The following MEGF6 variants were observed in gnomAD, a reference collection of about 807,000 sequenced individuals.
MEGF6 encodes the protein multiple EGF like domains 6.
In MEGF6, 184 loss-of-function variants were observed where a neutral mutation model predicts 207.1. The observed-to-expected ratio is 0.89, with a 90% CI of 0.79 to 1.00. The LOEUF is 1.00. Among genes scored for constraint, MEGF6 ranks in the 50% least tolerant of loss-of-function variants. The pLI, the probability that MEGF6 is intolerant of heterozygous loss-of-function variation, is 0.00. For synonymous variants in MEGF6, 1,038 were observed against 910.0 expected (o/e 1.14, Z -2.53); for missense variants, 2,282 against 2,202.9 (o/e 1.04, Z -0.72).
At chr1:3,499,066 TG>T in intron 24 of MEGF6, 71 bp downstream of exon 24, 1 of 1,558,210 alleles carries the variant, frequency 6.4e-7, no homozygotes, top group Non-Finnish European at 8.7e-7. Flanking sequence ...AAGTGTCCTG[TG>T]GGCCCTGCAA....
At chr1:3,532,340 A>G (rs149921671) in intron 4 of MEGF6, among the ~76,000 whole-genome samples, 1 of 152,270 alleles carries the variant, frequency 6.6e-6, no homozygotes, top group African/African-American at 2.4e-5. Context: ...CCCTTCTCGC[A>G]CCTATCCTTG....
the MEGF6 span, among the ~76,000 whole-genome samples, chr1:3,619,117 T>C: frequency 3.3e-5 from 5 of 152,244 alleles, no homozygotes; most frequent in Non-Finnish European, 7.3e-5. Flanking sequence ...TGACTTCATG[T>C]AGGGCCTGAA....
chr1:3,544,050 G>A (rs888436241), intron 4 of MEGF6, among the ~76,000 whole-genome samples: 8 of 152,184 alleles, frequency 5.3e-5, no homozygotes, highest in South Asian at 2.1e-4. Flanking sequence ...TCTGCGCGCC[G>A]CACCACTCGC....
intron 4 of MEGF6, chr1:3,531,592 CG>C (rs1365656014): frequency 9.8e-5 from 70 of 716,278 alleles, no homozygotes; most frequent in Non-Finnish European, 1.2e-4. Flanking sequence ...TGCGCGCTCC[CG>C]GACCCGGACG....
At chr1:3,598,455 A>G (rs1644106126) in intron 2 of MEGF6, among the ~76,000 whole-genome samples, 1 of 152,156 alleles carries the variant, frequency 6.6e-6, no homozygotes, top group African/African-American at 2.4e-5. Context: ...ACGGCGAACA[A>G]TATTTGGCAG....
intron 34 of MEGF6, 140 bp from the exon 35 acceptor site, chr1:3,492,907 T>C (rs1276176414): frequency 6.5e-6 from 8 of 1,231,250 alleles, no homozygotes; most frequent in Non-Finnish European, 7.8e-6. Flanking sequence ...AGCTAAGACC[T>C]TGGGCCTCGG....
At chr1:3,492,987 C>CA in intron 34 of MEGF6, 1 of 600,684 alleles carries the variant, frequency 1.7e-6, no homozygotes. Context: ...TGAGCTCCTG[C>CA]ATGAGAAAGC....
At chr1:3,562,273 T>C (rs1490984380) in intron 4 of MEGF6, among the ~76,000 whole-genome samples, 1 of 152,230 alleles carries the variant, frequency 6.6e-6, no homozygotes, top group African/African-American at 2.4e-5. Context: ...TGTCTTTTTC[T>C]CTGTCTCTCT....
At chr1:3,496,877 C>T (rs1468142886) in intron 28 of MEGF6, 94 bp from the exon 29 acceptor site, 5 of 1,518,544 alleles carry the variant, frequency 3.3e-6, no homozygotes, top group Admixed American at 4.1e-5. Context: ...ACCCCCACAC[C>T]CTCCATCTTC....
At chr1:3,498,618 C>T (rs937799415) in intron 25 of MEGF6, 80 bp downstream of exon 25, 45 of 1,488,594 alleles carry the variant, frequency 3.0e-5, no homozygotes, top group Non-Finnish European at 4.0e-5. Flanking sequence ...GCCCCCTGAC[C>T]TGGGAGCCCT....
intron 26 of MEGF6, among the ~76,000 whole-genome samples, chr1:3,497,881 T>C (rs1640678758): frequency 6.6e-6 from 1 of 152,152 alleles, no homozygotes; most frequent in Admixed American, 6.5e-5. Context: ...TGTTAGGGGC[T>C]TGGGTGGGAG....
rs1011384377 is a variant in MEGF6, at chr1:3,573,933, C to T, written c.481+5892G>A. The stretch of plus-strand genomic sequence containing the variant: ...CCCTGAGCCAACGCCAAGGGCTAAA[C>T]GGGCTCAGGACACCACCCAGTCCTA... On this transcript the variant is annotated intron_variant, in intron 4 of 36. Coordinates refer to ENST00000356575, the MANE Select transcript of MEGF6 (RefSeq NM_001409.4). This position sits in a 1 kb window ranked among gnomAD's most constrained non-coding sequence, Gnocchi z 5.1. Among the ~76,000 whole-genome samples the T allele has an allele frequency of 7.2e-5, 11 of 152,298 alleles. No individual in the cohort carries two copies. Among genetic ancestry groups the T allele is most frequent in the South Asian group, 2.1e-4 (1 of 4,826 alleles).
In MEGF6 at chr1:3,555,579, G is replaced by A. The variant is rs564299473; in HGVS notation, c.481+24246C>T. Among the ~76,000 whole-genome samples the A allele has an allele frequency of 1.5e-4, 23 of 152,344 alleles. 1 individual carries two copies. Among genetic ancestry groups the A allele is most frequent in the South Asian group, 4.1e-4 (2 of 4,832 alleles). ...CTGGCCTGCGGCCCCCATCCTCCAC[G>A]ACTAGAACCAAGACCCCTGTGGTTC... On this transcript the variant is annotated intron_variant, in intron 4 of 36. Coordinates refer to ENST00000356575, the MANE Select transcript of MEGF6 (RefSeq NM_001409.4).
At chr1:3,546,635 T>G (rs1570108375) in intron 4 of MEGF6, among the ~76,000 whole-genome samples, 1 of 88,666 alleles carries the variant, frequency 1.1e-5, no homozygotes, top group African/African-American at 4.4e-5. Context: ...CGAGGTGGGG[T>G]GGCAATGGGC....
intron 4 of MEGF6, among the ~76,000 whole-genome samples, chr1:3,567,529 C>T (rs1223999975): frequency 7.5e-6 from 1 of 133,454 alleles, no homozygotes; most frequent in Non-Finnish European, 1.5e-5. Context: ...CATGGACATG[C>T]CCCCCCCAGG....
rs1291185486 is a variant in MEGF6 at position 3,522,075 on chromosome 1, C to T, written c.604+2049G>A. ...TCCCAGGGGGTGAAACCCCCAGCATCTTCTGTGGCGAAACAGACACATCAC... is the reference window on the plus strand; with the variant it reads ...TCCCAGGGGGTGAAACCCCCAGCATTTTCTGTGGCGAAACAGACACATCAC... On this transcript the variant is annotated intron_variant, in intron 5 of 36. Transcript: ENST00000356575. 2.0e-5 allele frequency among the ~76,000 whole-genome samples: 3 copies of T among 152,358 alleles called. No individual in the cohort carries two copies. The South Asian group carries it at 6.2e-4, about 32-fold the overall frequency.
chr1:3,557,683 AG>A (rs148731638), intron 4 of MEGF6, among the ~76,000 whole-genome samples: 39 of 152,332 alleles, frequency 2.6e-4, no homozygotes, highest in African/African-American at 9.1e-4. Context: ...CGGAGCACCG[AG>A]GGATGCCCAG....
At chr1:3,615,594 T>C (rs1266587852), upstream of MEGF6, among the ~76,000 whole-genome samples, 5 of 152,356 alleles carry the variant, frequency 3.3e-5, no homozygotes, top group East Asian at 5.8e-4. Context: ...CTGCGTGTTC[T>C]TGGGAAGGCA....
chr1:3,510,632 C>T (rs529074316), intron 10 of MEGF6, 151 bp downstream of exon 10: 50 of 1,122,524 alleles, frequency 4.5e-5, no homozygotes, highest in Admixed American at 9.3e-5. Flanking sequence ...ACACAGCAGG[C>T]GCTCAACCAA....
Sources: gnomAD v4.1 joint callset for allele counts (sites outside exome capture counted in the v4.1 genomes callset) on GRCh38, gnomAD v4.1.1 for gene constraint, Gnocchi (gnomAD v3.1) non-coding constraint, MANE v1.5 for transcripts, NCBI Gene and HGNC (gene_info 2026-07-23, HGNC 2026-07-21) for gene names.